Variants in PDZD2 observed in about 807,000 individuals in gnomAD.
The protein encoded by PDZD2 is PDZ domain-containing protein 2.
PDZD2 carries 90 observed loss-of-function variants against 220.7 expected under a neutral mutation model. The ratio of observed to expected loss-of-function variants is 0.41; its 90% CI spans 0.34 to 0.49. PDZD2 has a LOEUF of 0.49. Among genes scored for constraint, PDZD2 ranks in the 20% least tolerant of loss-of-function variants. The pLI is 0.28. For synonymous variants in PDZD2, 1,375 were observed against 1,450.5 expected, an observed-to-expected ratio of 0.95 and a Z score of 1.18; for missense variants, 3,174 against 3,608.5, an observed-to-expected ratio of 0.88 and a Z score of 3.08.
intron 14 of PDZD2, 97 bp downstream of exon 14, chr5:32,061,231 G>T: frequency 8.2e-7 from 1 of 1,217,538 alleles, no homozygotes; most frequent in Admixed American, 1.9e-5. Context: ...GCTGGGGATA[G>T]GCAGGCAACC....
intron 2 of PDZD2, among the ~76,000 whole-genome samples, chr5:31,915,319 C>G (rs185035060): frequency 2.0e-5 from 3 of 152,300 alleles, no homozygotes; most frequent in African/African-American, 7.2e-5. Context: ...CTCGTGGCCC[C>G]CAGATTCTGC....
In PDZD2 at chr5:31,916,335, G is replaced by A. The variant is rs148801751; in HGVS notation, c.477-66820G>A. ...GCCTTCCCTACTTCAGTTGCATTGCGTAGAGCAGGCTCAACCCCTCCAGGG... is the reference window on the plus strand; with the variant it reads ...GCCTTCCCTACTTCAGTTGCATTGCATAGAGCAGGCTCAACCCCTCCAGGG... On this transcript the variant is annotated intron_variant, in intron 2 of 24. Transcript: ENST00000438447. 2.0e-3 allele frequency among the ~76,000 whole-genome samples: 305 copies of A among 152,320 alleles called. 2 individuals are homozygous for A. The highest frequency in any genetic ancestry group is 7.0e-3 in the African/African-American group (290 of 41,570).
intron 2 of PDZD2, among the ~76,000 whole-genome samples, chr5:31,915,622 G>T (rs894389329): frequency 6.6e-6 from 1 of 152,162 alleles, no homozygotes; most frequent in African/African-American, 2.4e-5. Flanking sequence ...GAGTTTCAAA[G>T]ACCCAGGGCC....
rs560668532 is a variant in PDZD2 at position 31,956,460 on chromosome 5, T to C, written c.477-26695T>C. On this transcript the variant is annotated intron_variant, in intron 2 of 24. Transcript: ENST00000438447. ...TACTCGGGAGGCTGAGGCAGGAGAA[T>C]GGCGTGAACCCGGGAGACAGAGCTT... 1.9e-4 allele frequency among the ~76,000 whole-genome samples: 28 copies of C among 145,644 alleles called. No individual in the cohort carries two copies. In the South Asian group the frequency reaches 5.9e-3, roughly 31 times the overall value.
intron 1 of PDZD2, among the ~76,000 whole-genome samples, chr5:31,703,072 T>A (rs1420087528): frequency 6.6e-6 from 1 of 152,226 alleles, no homozygotes; most frequent in Non-Finnish European, 1.5e-5. Flanking sequence ...TCAGCTCCAC[T>A]CATACATAGA....
intron 1 of PDZD2, among the ~76,000 whole-genome samples, chr5:31,771,129 T>C (rs565753083): frequency 3.9e-5 from 6 of 152,370 alleles, no homozygotes; most frequent in African/African-American, 1.4e-4. Context: ...TTGCTGTTTA[T>C]AAATTGGGAA....
chr5:31,913,620 T>A (rs892142241), intron 2 of PDZD2, among the ~76,000 whole-genome samples: 2 of 152,196 alleles, frequency 1.3e-5, no homozygotes, highest in African/African-American at 4.8e-5. Context: ...TCATGGCTCT[T>A]GCTGCCAGTG....
intron 6 of PDZD2, among the ~76,000 whole-genome samples, chr5:32,019,556 T>C (rs1258858828): frequency 6.6e-6 from 1 of 152,116 alleles, no homozygotes. Context: ...GGAAGGAAAA[T>C]AGTAGAATGT....
intron 24 of PDZD2, among the ~76,000 whole-genome samples, chr5:32,102,154 A>C (rs79419397): frequency 6.6e-6 from 1 of 151,914 alleles, no homozygotes; most frequent in African/African-American, 2.4e-5. Flanking sequence ...TTAAAAAAAA[A>C]CCCCTCTATG....
At chr5:32,065,047 C>A (rs1300842683) in intron 14 of PDZD2, among the ~76,000 whole-genome samples, 1 of 151,972 alleles carries the variant, frequency 6.6e-6, no homozygotes, top group Non-Finnish European at 1.5e-5. Flanking sequence ...TGCCTGTAAT[C>A]CTAGCACTTT....
intron 13 of PDZD2, among the ~76,000 whole-genome samples, chr5:32,060,490 A>T (rs986535367): frequency 2.0e-5 from 3 of 152,130 alleles, no homozygotes; most frequent in African/African-American, 4.8e-5. Context: ...CTTAAGTTAT[A>T]TTATAATAAT....
intron 1 of PDZD2, chr5:31,743,958 T>C (rs1561424605): frequency 6.6e-6 from 1 of 152,212 alleles, no homozygotes; most frequent in African/African-American, 2.4e-5. Context: ...GCATCAAATA[T>C]AGAGTTTTCT....
At chr5:31,915,426 C>T (rs1227773911) in intron 2 of PDZD2, among the ~76,000 whole-genome samples, 2 of 152,130 alleles carry the variant, frequency 1.3e-5, no homozygotes, top group Non-Finnish European at 2.9e-5. Context: ...CTATTCCTTG[C>T]TACTTGTCCT....
intron 1 of PDZD2, among the ~76,000 whole-genome samples, chr5:31,682,277 C>G (rs1746680804): frequency 6.6e-6 from 1 of 152,132 alleles, no homozygotes; most frequent in South Asian, 2.1e-4. Context: ...TGTCTGTGGT[C>G]TGTTTTAAGT....
At position 31,997,987 on chromosome 5, in the gene PDZD2, C is replaced by T. The variant is rs142811642; in HGVS notation, c.1122-2152C>T. Among the ~76,000 whole-genome samples, 435 of 152,214 alleles carry T rather than the reference C, an allele frequency of 2.9e-3. 3 individuals carry two copies. The highest frequency in any genetic ancestry group is 0.01 in the African/African-American group (423 of 41,534). ...CCTCCCAAGTAGCTGGGACTACAGG[C>T]GCTTGCCACCATACCCGGCTAATTT... On this transcript the variant is annotated intron_variant, in intron 4 of 24. Transcript: ENST00000438447.
intron 16 of PDZD2, among the ~76,000 whole-genome samples, chr5:32,071,625 C>T (rs1740754803): frequency 6.6e-6 from 1 of 152,074 alleles, no homozygotes; most frequent in Non-Finnish European, 1.5e-5. Flanking sequence ...AGGAAAAGAA[C>T]AGAGCAACAA....
At chr5:31,776,418 C>G (rs192759682) in intron 1 of PDZD2, among the ~76,000 whole-genome samples, 154 of 152,118 alleles carry the variant, frequency 1.0e-3, no homozygotes, top group South Asian at 1.7e-3. Context: ...CCTTTCGGGT[C>G]CCTACCCTAC....
intron 7 of PDZD2, among the ~76,000 whole-genome samples, chr5:32,041,124 G>A (rs1316655801): frequency 7.5e-5 from 10 of 133,626 alleles, no homozygotes; most frequent in African/African-American, 1.7e-4. Context: ...CTGCCCGGCC[G>A]CCCCGTCTGG....
chr5:31,760,660 G>T (rs1751578076), intron 1 of PDZD2, among the ~76,000 whole-genome samples: 4 of 152,178 alleles, frequency 2.6e-5, no homozygotes, highest in African/African-American at 9.7e-5. Context: ...GGTGGCTTAT[G>T]CCTGTAATCC....
Sources: allele counts gnomAD v4.1 joint callset (sites outside exome capture counted in the v4.1 genomes callset), GRCh38; gene constraint gnomAD v4.1.1; transcripts MANE v1.5; gene names NCBI Gene and HGNC (gene_info 2026-07-23, HGNC 2026-07-21).